Variants in PHACTR3 observed in about 807,000 individuals in gnomAD.
PHACTR3 encodes the protein phosphatase and actin regulator 3.
PHACTR3 carries 16 observed loss-of-function variants against 66.8 expected under a neutral mutation model. The observed-to-expected ratio is 0.24, with a 90% CI of 0.16 to 0.36. The LOEUF (loss-of-function observed/expected upper bound fraction) is 0.36. Among genes scored for constraint, PHACTR3 ranks in the 10% least tolerant of loss-of-function variants. The pLI is 1.00. For missense variants in PHACTR3, 647 were observed against 719.9 expected (o/e 0.90, Z 1.16); for synonymous variants, 323 against 292.1 (o/e 1.11, Z -1.08).
chr20:59,622,598 G>A (rs902774889), intron 1 of PHACTR3, among the ~76,000 whole-genome samples: 12 of 152,158 alleles, frequency 7.9e-5, no homozygotes, highest in African/African-American at 2.9e-4. Context: ...GCTGCGAGGG[G>A]TGCTCCCTGT....
At chr20:59,788,856 A>G (rs992036872) in intron 7 of PHACTR3, among the ~76,000 whole-genome samples, 1 of 152,168 alleles carries the variant, frequency 6.6e-6, no homozygotes, top group African/African-American at 2.4e-5. Context: ...CTCCTCCAAC[A>G]TCACAGCCCC....
At chr20:59,788,534 C>T (rs6015582) in intron 7 of PHACTR3, among the ~76,000 whole-genome samples, 1 of 152,210 alleles carries the variant, frequency 6.6e-6, no homozygotes, top group African/African-American at 2.4e-5. Flanking sequence ...TGACCCGCCC[C>T]TAAAGGTGAG....
intron 1 of PHACTR3, among the ~76,000 whole-genome samples, chr20:59,579,177 C>T (rs2032797408): frequency 6.6e-6 from 1 of 152,208 alleles, no homozygotes; most frequent in Non-Finnish European, 1.5e-5. Flanking sequence ...GCAGTGTGTT[C>T]AGGGCCACCA....
At chr20:59,655,003 T>A (rs1294286271) in intron 1 of PHACTR3, among the ~76,000 whole-genome samples, 1 of 152,112 alleles carries the variant, frequency 6.6e-6, no homozygotes, top group Non-Finnish European at 1.5e-5. Flanking sequence ...TTTTTTCCAT[T>A]TTCTGGCTGA....
At chr20:59,600,896 G>C (rs909696331), upstream of PHACTR3, among the ~76,000 whole-genome samples, 10 of 151,844 alleles carry the variant, frequency 6.6e-5, no homozygotes, top group African/African-American at 2.4e-4. Context: ...AGGGCAAGAG[G>C]CAGAACCCAA....
chr20:59,828,140 T>C (rs1027600623), intron 8 of PHACTR3, among the ~76,000 whole-genome samples: 2 of 152,312 alleles, frequency 1.3e-5, no homozygotes, highest in Admixed American at 6.5e-5. Context: ...CCCAAGTGCA[T>C]TGTGGACACA....
intron 1 of PHACTR3, among the ~76,000 whole-genome samples, chr20:59,709,199 T>C (rs77229459): frequency 0.037 from 5,631 of 152,266 alleles, 282 homozygotes; most frequent in African/African-American, 0.12. Context: ...TCAAAACTTT[T>C]TTGGTCCCAG....
chr20:59,680,923 C>T (rs2036619764), intron 1 of PHACTR3, among the ~76,000 whole-genome samples: 1 of 152,220 alleles, frequency 6.6e-6, no homozygotes, highest in African/African-American at 2.4e-5. Context: ...CATTCAGGTG[C>T]ACCTGTCATA....
chr20:59,740,083 A>G (rs2039096022), intron 1 of PHACTR3, among the ~76,000 whole-genome samples: 1 of 152,184 alleles, frequency 6.6e-6, no homozygotes, highest in Non-Finnish European at 1.5e-5. Context: ...GGCCCTGCAC[A>G]GGCAGTGACC....
intron 1 of PHACTR3, among the ~76,000 whole-genome samples, chr20:59,613,974 A>G (rs1394484653): frequency 6.6e-6 from 1 of 152,220 alleles, no homozygotes; most frequent in Admixed American, 6.5e-5. Flanking sequence ...TCTTGTTATA[A>G]AAGGAGCCAT....
At chr20:59,730,660 T>C (rs975115946) in intron 1 of PHACTR3, among the ~76,000 whole-genome samples, 18 of 152,310 alleles carry the variant, frequency 1.2e-4, no homozygotes, top group African/African-American at 3.4e-4. Context: ...TTTTTCTTCT[T>C]GGGGCACCCA....
rs146127124 is a variant in PHACTR3 at position 59,584,246 on chromosome 20, TTG to T, written c.109+6639_109+6640del. Among the ~76,000 whole-genome samples the T allele has an allele frequency of 6.7e-4, 102 of 151,356 alleles. No individual in the cohort carries two copies. In the East Asian group the frequency reaches 0.017, roughly 25 times the overall value. ...AGTGCGTGTGCCTGTGTGTGCCTGA[TTG>T]TGTGTGTGTATGCATGTGTTTGTGA... On this transcript the variant is annotated intron_variant, in intron 1 of 12. Transcript: ENST00000359926.
chr20:59,712,921 T>C (rs1052660925), intron 1 of PHACTR3, among the ~76,000 whole-genome samples: 2 of 152,264 alleles, frequency 1.3e-5, no homozygotes, highest in African/African-American at 4.8e-5. Flanking sequence ...ATGATTTACT[T>C]TTGATTTCAA....
At chr20:59,815,714 C>T (rs917624407) in intron 8 of PHACTR3, among the ~76,000 whole-genome samples, 2 of 152,306 alleles carry the variant, frequency 1.3e-5, no homozygotes, top group South Asian at 4.1e-4. Context: ...TAAGCCACCA[C>T]GCCTGGCTTG....
At chr20:59,630,157 A>C (rs892935510) in intron 1 of PHACTR3, among the ~76,000 whole-genome samples, 3 of 152,132 alleles carry the variant, frequency 2.0e-5, no homozygotes, top group Non-Finnish European at 4.4e-5. Context: ...AAGAACGTTC[A>C]TATCAGGTAT....
In PHACTR3 at chr20:59,660,366, T is replaced by C. The variant is rs1203914496; in HGVS notation, c.118+55234T>C. 3.3e-5 allele frequency among the ~76,000 whole-genome samples: 5 copies of C among 152,174 alleles called. No homozygotes were observed. In the South Asian group the frequency reaches 6.2e-4, roughly 19 times the overall value. On this transcript the variant is annotated intron_variant, in intron 1 of 12. Coordinates refer to ENST00000371015, the MANE Select transcript of PHACTR3 (RefSeq NM_080672.5). ...AAAATTAGCCGGGCATGGTGGCGGA[T>C]GCCTGTAGTCCCAGCTACTCTGGAG...
chr20:59,818,345 A>C (rs2041941626), intron 8 of PHACTR3, among the ~76,000 whole-genome samples: 1 of 152,208 alleles, frequency 6.6e-6, no homozygotes, highest in Non-Finnish European at 1.5e-5. Context: ...GAATGCCTGG[A>C]ATCATGCCTG....
chr20:59,776,768 G>A (rs2040553315), intron 7 of PHACTR3, among the ~76,000 whole-genome samples: 1 of 152,218 alleles, frequency 6.6e-6, no homozygotes, highest in Admixed American at 6.5e-5. Context: ...AGCCAGCAGC[G>A]TGGTTGAGAC....
intron 7 of PHACTR3, among the ~76,000 whole-genome samples, chr20:59,789,621 A>T (rs2041029264): frequency 6.6e-6 from 1 of 152,236 alleles, no homozygotes; most frequent in Admixed American, 6.5e-5. Flanking sequence ...GAATGACCAG[A>T]TGGAGAATCT....
Sources: allele counts gnomAD v4.1 joint callset (sites outside exome capture counted in the v4.1 genomes callset), GRCh38; gene constraint gnomAD v4.1.1; transcripts MANE v1.5; gene names NCBI Gene and HGNC (gene_info 2026-07-23, HGNC 2026-07-21).